Variants in MED12L observed in about 807,000 individuals in gnomAD.
MED12L encodes mediator complex subunit 12L, also known as mediator of RNA polymerase II transcription subunit 12-like protein.
In MED12L, 60 loss-of-function variants were observed where a neutral mutation model predicts 281.3. The observed-to-expected ratio is 0.21, with a 90% CI of 0.17 to 0.26. MED12L has a LOEUF of 0.26. MED12L is among the 10% of genes least tolerant of loss of function. The probability of loss-of-function intolerance (pLI) is 1.00; values close to 1 mark genes in which losing one functional copy is unlikely to be tolerated. For synonymous variants in MED12L, 974 were observed against 987.2 expected (o/e 0.99, Z 0.25); for missense variants, 2,146 against 2,680.9 (o/e 0.80, Z 4.41).
chr3:151,402,762 A>AC (rs773911074), intron 39 of MED12L, among the ~76,000 whole-genome samples: 8 of 152,210 alleles, frequency 5.3e-5, no homozygotes, highest in Non-Finnish European at 1.2e-4. Context: ...AGGATGTTTG[A>AC]CATATGAATT....
At chr3:151,233,990 TAA>T in intron 16 of MED12L, among the ~76,000 whole-genome samples, 1 of 152,360 alleles carries the variant, frequency 6.6e-6, no homozygotes, top group African/African-American at 2.4e-5. Context: ...TAGAGAAATT[TAA>T]AAAGTCTATC....
chr3:151,404,841 A>G (rs1716101530), intron 39 of MED12L, among the ~76,000 whole-genome samples: 1 of 152,202 alleles, frequency 6.6e-6, no homozygotes, highest in Admixed American at 6.5e-5. Flanking sequence ...TCTGATTATA[A>G]TCCTTACTGA....
At chr3:151,172,907 T>G (rs1721608363) in intron 11 of MED12L, among the ~76,000 whole-genome samples, 1 of 152,244 alleles carries the variant, frequency 6.6e-6, no homozygotes, top group Non-Finnish European at 1.5e-5. Flanking sequence ...ACTAGTATTT[T>G]CTTATTTTTT....
intron 17 of MED12L, among the ~76,000 whole-genome samples, chr3:151,350,935 G>A (rs1203155233): frequency 6.6e-6 from 1 of 152,038 alleles, no homozygotes; most frequent in African/African-American, 2.4e-5. Context: ...TATTTCATTA[G>A]GCAATCAAAT....
chr3:151,387,007 G>T (rs1713500553), intron 36 of MED12L, among the ~76,000 whole-genome samples: 1 of 152,136 alleles, frequency 6.6e-6, no homozygotes, highest in African/African-American at 2.4e-5. Context: ...ACTGTGCCTG[G>T]CCTGAACCTT....
intron 1 of MED12L, chr3:151,086,403 A>G (rs991816892): frequency 6.6e-6 from 1 of 151,792 alleles, no homozygotes; most frequent in Admixed American, 6.6e-5. Context: ...GGTCCGCTCC[A>G]CAGCTTCTTC....
intron 16 of MED12L, among the ~76,000 whole-genome samples, chr3:151,348,029 T>A (rs1269625515): frequency 1.3e-5 from 2 of 152,280 alleles, no homozygotes; most frequent in East Asian, 1.9e-4. Flanking sequence ...CTCTTTGGAC[T>A]TCTAGGTCTG....
intron 26 of MED12L, among the ~76,000 whole-genome samples, chr3:151,370,683 A>G (rs1215520221): frequency 2.0e-5 from 3 of 152,210 alleles, no homozygotes; most frequent in Admixed American, 6.5e-5. Flanking sequence ...GGTTCTACTT[A>G]ATAAATAAAT....
At position 151,149,814 on chromosome 3, in the gene MED12L, G is replaced by A. The variant is rs150243725; in HGVS notation, c.557-6347G>A. On this transcript the variant is annotated intron_variant, in intron 5 of 44. Transcript: ENST00000687756. ...AGTGTTCACAACATCTTCACCAGGA[G>A]TAGATTCCATCTGAAGAAACCACTT... 7.0e-3 allele frequency among the ~76,000 whole-genome samples: 1,060 copies of A among 152,290 alleles called. 17 individuals carry two copies. The highest frequency in any genetic ancestry group is 0.024 in the African/African-American group (1,012 of 41,562).
chr3:151,320,387 A>G (rs1748859239), intron 16 of MED12L, among the ~76,000 whole-genome samples: 2 of 152,228 alleles, frequency 1.3e-5, no homozygotes, highest in South Asian at 4.1e-4. Flanking sequence ...TGGCTGGAAC[A>G]TGCAACAAGG....
chr3:151,314,974 A>G (rs1490510517), intron 16 of MED12L, among the ~76,000 whole-genome samples: 1 of 152,122 alleles, frequency 6.6e-6, no homozygotes, highest in Non-Finnish European at 1.5e-5. Flanking sequence ...AACCCAAACT[A>G]CTGCCTCTTG....
intron 16 of MED12L, among the ~76,000 whole-genome samples, chr3:151,205,601 C>T (rs998358091): frequency 2.0e-5 from 3 of 152,018 alleles, no homozygotes; most frequent in Non-Finnish European, 2.9e-5. Context: ...TGGTCACTGC[C>T]ACAGCCGGGC....
intron 9 of MED12L, among the ~76,000 whole-genome samples, chr3:151,164,612 A>G (rs1039091449): frequency 9.2e-5 from 14 of 152,210 alleles, no homozygotes; most frequent in African/African-American, 2.7e-4. Flanking sequence ...ATGTCCAACA[A>G]TGATTGACTG....
intron 2 of MED12L, among the ~76,000 whole-genome samples, chr3:151,099,991 C>G (rs545444780): frequency 2.0e-5 from 3 of 152,228 alleles, no homozygotes; most frequent in South Asian, 4.1e-4. Flanking sequence ...GGTACAGATA[C>G]TAAGTGACCC....
chr3:151,151,974 A>G (rs1329612564), intron 5 of MED12L, among the ~76,000 whole-genome samples: 1 of 152,074 alleles, frequency 6.6e-6, no homozygotes, highest in South Asian at 2.1e-4. Context: ...AGAGAAAGCA[A>G]CTGGAGCTAG....
chr3:151,203,542 T>C (rs1264270196), intron 16 of MED12L, among the ~76,000 whole-genome samples: 2 of 152,040 alleles, frequency 1.3e-5, no homozygotes, highest in East Asian at 3.8e-4. Flanking sequence ...TTTCAGTATA[T>C]ATAGTAACAC....
intron 39 of MED12L, among the ~76,000 whole-genome samples, chr3:151,406,659 T>G (rs778063650): frequency 2.6e-5 from 4 of 152,260 alleles, no homozygotes; most frequent in Non-Finnish European, 4.4e-5. Context: ...GGTGTGTACC[T>G]GAACATGGTA....
At chr3:151,136,222 C>T (rs1716118496) in intron 5 of MED12L, among the ~76,000 whole-genome samples, 1 of 152,212 alleles carries the variant, frequency 6.6e-6, no homozygotes, top group South Asian at 2.1e-4. Flanking sequence ...GCCATTTGGA[C>T]TGCAAAAATA....
In MED12L at chr3:151,086,802, A is replaced by G; in HGVS notation, c.-125A>G. 1.4e-6 allele frequency: 1 copy of G among 719,392 alleles called. No homozygotes were observed. 44.6% of individuals were successfully genotyped at this position (719,392 alleles called of 1,614,324 possible). A position where few individuals can be genotyped will look rare whatever the true frequency, so the allele number is the denominator to read the frequency against. On this transcript the variant is annotated 5_prime_UTR_variant, in exon 2 of 45. Coordinates refer to ENST00000687756, the MANE Select transcript of MED12L (RefSeq NM_001393769.1). ...CTTTATTCCTCCTGCCTGCAGCGCC[A>G]CAGCGAGCGAGCGAGCGAGGAGGGG...
Sources: allele counts gnomAD v4.1 joint callset (sites outside exome capture counted in the v4.1 genomes callset), GRCh38; gene constraint gnomAD v4.1.1; transcripts MANE v1.5; gene names NCBI Gene and HGNC (gene_info 2026-07-23, HGNC 2026-07-21).